ACACB: variants seen among roughly 807,000 people sequenced by gnomAD.
ACACB encodes the protein acetyl-CoA carboxylase 2.
Under a neutral mutation model 278.8 loss-of-function variants are expected in ACACB, and 209 were observed. The observed-to-expected ratio is 0.75, with a 90% CI of 0.67 to 0.84. The LOEUF (loss-of-function observed/expected upper bound fraction) is 0.84. Among genes scored for constraint, ACACB ranks in the 40% least tolerant of loss-of-function variants. ACACB has a pLI of 0.00. For synonymous variants in ACACB, 1,174 were observed against 1,285.6 expected, an observed-to-expected ratio of 0.91 and a Z score of 1.86; for missense variants, 2,850 against 3,269.0, an observed-to-expected ratio of 0.87 and a Z score of 3.13.
At chr12:109,241,992 C>T (rs1171320325) in intron 36 of ACACB, 1 of 156,066 alleles carries the variant, frequency 6.4e-6, no homozygotes, top group Non-Finnish European at 1.4e-5. Flanking sequence ...ACTGAAGACT[C>T]TCAAGCAGTT....
At chr12:109,121,715 G>T (rs1351607173) in intron 1 of ACACB, among the ~76,000 whole-genome samples, 2 of 152,198 alleles carry the variant, frequency 1.3e-5, no homozygotes, top group African/African-American at 4.8e-5. Flanking sequence ...GTAGGCAGCA[G>T]GGGTGGGGGT....
At chr12:109,198,799 T>TA (rs776585739) in intron 17 of ACACB, among the ~76,000 whole-genome samples, 2 of 151,994 alleles carry the variant, frequency 1.3e-5, no homozygotes, top group Non-Finnish European at 2.9e-5. Flanking sequence ...TTTTTTTTTT[T>TA]ATTTTTTGTA....
At chr12:109,214,509 C>T (rs1267591399) in intron 22 of ACACB, among the ~76,000 whole-genome samples, 3 of 152,134 alleles carry the variant, frequency 2.0e-5, no homozygotes, top group Non-Finnish European at 2.9e-5. Flanking sequence ...TAACCTTAAG[C>T]CCATCCTTTA....
Position 109,227,380 on chromosome 12 carries a change from C to A in ACACB, c.3892C>A (p.Arg1298=), listed in dbSNP as rs781600908. 6.2e-7 allele frequency: 1 copy of A among 1,611,456 alleles called. No individual in the cohort carries two copies. Residue 1298 remains arginine (R), a synonymous_variant, in exon 28 of 53, where the codon CGG becomes AGG. Coordinates refer to ENST00000338432, the MANE Select transcript of ACACB (RefSeq NM_001093.4). ...GTTTCTGCCTTGTCAGGTTTACGTG[C>A]GGAGGGGCTACATCGCCTATGAGTT... ...VCMASLEVYV[R]RGYIAYELNS...
Position 109,227,481 on chromosome 12 carries a change from C to T in ACACB, c.3993C>T (p.His1331=). The T allele has an allele frequency of 6.2e-7, 1 of 1,613,964 alleles. No individual in the cohort carries two copies. The change falls in exon 28 of 53, where the codon CAC becomes CAT. Residue 1331 remains histidine (H), a synonymous_variant. Transcript: ENST00000338432. ...VEFQFMLPSS[H]PNRMTVPISI... Reference sequence around the variant, plus strand: ...TCCAGTTCATGCTGCCGTCCTCCCACCCAAACCGGTATGGAGTGGGACACA... The same window carrying T: ...TCCAGTTCATGCTGCCGTCCTCCCATCCAAACCGGTATGGAGTGGGACACA...
intron 2 of ACACB, among the ~76,000 whole-genome samples, chr12:109,163,854 T>C (rs2136140766): frequency 6.6e-6 from 1 of 152,354 alleles, no homozygotes; most frequent in South Asian, 2.1e-4. Context: ...TTCACCATGT[T>C]GGCCAAGCTG....
Position 109,209,305 on chromosome 12 carries a change from G to A in ACACB, c.3201G>A (p.Gln1067=). The A allele has an allele frequency of 1.2e-6, 2 of 1,612,702 alleles. No individual in the cohort carries two copies. Among genetic ancestry groups the A allele is most frequent in the Non-Finnish European group, 1.7e-6 (2 of 1,180,002 alleles). ...VEKSVRRVMA[Q]YASNITSVLC... Reference sequence around the variant, plus strand: ...AGTCTGTCCGCAGGGTGATGGCCCAGTATGCCAGCAACATCACCTCGGTGC... The same window carrying A: ...AGTCTGTCCGCAGGGTGATGGCCCAATATGCCAGCAACATCACCTCGGTGC... The change falls in exon 21 of 53, where the codon CAG becomes CAA. Residue 1067 remains glutamine, a synonymous_variant. Coordinates refer to ENST00000338432, the MANE Select transcript of ACACB (RefSeq NM_001093.4).
At chr12:109,230,777 G>T (rs76573752) in intron 28 of ACACB, among the ~76,000 whole-genome samples, 2,016 of 152,268 alleles carry the variant, frequency 0.013, 53 homozygotes, top group African/African-American at 0.046. Flanking sequence ...GTTAGGAAGG[G>T]AAGGGCGGCT....
Position 109,251,310 on chromosome 12 carries a change from T to G in ACACB, c.5791-736T>G, listed in dbSNP as rs542224174. On this transcript the variant is annotated intron_variant, in intron 41 of 52. Transcript: ENST00000338432. ...GCCTAACTATCACCTGATGGTTGCC[T>G]TCCTCTCCTGCCCTGCTCATGTCTG... 3.9e-4 allele frequency among the ~76,000 whole-genome samples: 59 copies of G among 152,288 alleles called. 1 individual carries two copies. Among genetic ancestry groups the G allele is most frequent in the Admixed American group, 8.5e-4 (13 of 15,290 alleles).
chr12:109,179,056 T>G (rs940452430), intron 9 of ACACB, 32 bp from the exon 10 acceptor site: 4 of 1,598,156 alleles, frequency 2.5e-6, no homozygotes, highest in South Asian at 1.1e-5. Context: ...GGTTTCCCCA[T>G]GAAGATCAGG....
chr12:109,112,372 A>C (rs547445979), upstream of ACACB, among the ~76,000 whole-genome samples: 7 of 151,858 alleles, frequency 4.6e-5, no homozygotes, highest in South Asian at 1.2e-3. Context: ...TTCTGGGTCC[A>C]TGACCCTCCA....
intron 24 of ACACB, among the ~76,000 whole-genome samples, chr12:109,218,740 G>A (rs113660527): frequency 0.047 from 6,889 of 145,512 alleles, 230 homozygotes; most frequent in African/African-American, 0.092. Context: ...TGCAACCTCC[G>A]CCTCCCGGGT....
intron 2 of ACACB, among the ~76,000 whole-genome samples, chr12:109,144,846 C>T (rs1418465579): frequency 6.9e-6 from 1 of 144,378 alleles, no homozygotes; most frequent in Non-Finnish European, 1.5e-5. Context: ...ACTGCAACCT[C>T]TGCCTCCCGG....
At position 109,138,639 on chromosome 12, in the gene ACACB, C is replaced by A. The variant is rs533403954; in HGVS notation, c.-9-758C>A. ...TCTGTAATCCTAGCACTTTGGGAAG[C>A]CAAGGTCAGGAGTTAGAGAGCAACC... On this transcript the variant is annotated intron_variant, in intron 1 of 52. Transcript: ENST00000338432. Among the ~76,000 whole-genome samples the A allele has an allele frequency of 1.3e-3, 194 of 151,804 alleles. 1 individual carries two copies. The highest frequency in any genetic ancestry group is 4.4e-3 in the African/African-American group (183 of 41,444).
At chr12:109,116,005 A>G (rs894527376), upstream of ACACB, among the ~76,000 whole-genome samples, 2 of 152,140 alleles carry the variant, frequency 1.3e-5, no homozygotes, top group Non-Finnish European at 2.9e-5. Flanking sequence ...AGCCCTCCCC[A>G]CGTTGCAGAA....
chr12:109,231,243 T>A (rs2046461133), intron 28 of ACACB, among the ~76,000 whole-genome samples: 1 of 152,176 alleles, frequency 6.6e-6, no homozygotes, highest in African/African-American at 2.4e-5. Context: ...CTGTCCTAGC[T>A]CTGCCCACTG....
At chr12:109,249,448 T>C (rs2047036911) in intron 40 of ACACB, 1 of 152,144 alleles carries the variant, frequency 6.6e-6, no homozygotes, top group Admixed American at 6.6e-5. Context: ...TTGTGAATCG[T>C]GGTCCTAGTT....
chr12:109,245,646 C>G lies in ACACB; in HGVS notation c.5199C>G (p.Gly1733=). ...CCCAGGCTCTCTTTAAACTGTGGGG[C>G]TCCCCAGACAAGTATCCCAAAGACA... is the stretch of plus-strand genomic sequence containing the variant. ...MFRQALFKLW[G]SPDKYPKDIL... Residue 1733 remains glycine (G), a synonymous_variant, in exon 38 of 53, where the codon GGC becomes GGG. Transcript: ENST00000338432. 6.2e-7 allele frequency: 1 copy of G among 1,614,072 alleles called. No homozygotes were observed. Among genetic ancestry groups the G allele is most frequent in the Non-Finnish European group, 8.5e-7 (1 of 1,179,972 alleles).
At chr12:109,237,004 G>A (rs531722040) in intron 33 of ACACB, among the ~76,000 whole-genome samples, 161 bp from the exon 34 acceptor site, 1 of 152,176 alleles carries the variant, frequency 6.6e-6, no homozygotes, top group African/African-American at 2.4e-5. Context: ...GAGCCCTGGG[G>A]GTAGCTTACA....
Sources: gnomAD v4.1 joint callset for allele counts (sites outside exome capture counted in the v4.1 genomes callset) on GRCh38, gnomAD v4.1.1 for gene constraint, MANE v1.5 for transcripts, NCBI Gene and HGNC (gene_info 2026-07-23, HGNC 2026-07-21) for gene names.